CFAP20DC: variants seen among roughly 807,000 people sequenced by gnomAD.
CFAP20DC encodes protein CFAP20DC.
A neutral mutation model predicts 101.7 loss-of-function variants in CFAP20DC; 84 were observed. The ratio of observed to expected loss-of-function variants is 0.83; its 90% CI spans 0.69 to 0.99. The LOEUF is 0.99. Among genes scored for constraint, CFAP20DC ranks in the 50% least tolerant of loss-of-function variants. CFAP20DC has a pLI of 0.00. For missense variants in CFAP20DC, 1,007 were observed against 970.3 expected, an observed-to-expected ratio of 1.04 and a Z score of -0.50; for synonymous variants, 359 against 351.2, an observed-to-expected ratio of 1.02 and a Z score of -0.25.
chr3:58,963,376 GT>G (rs1482061279), intron 4 of CFAP20DC, among the ~76,000 whole-genome samples: 1 of 151,902 alleles, frequency 6.6e-6, no homozygotes, highest in Non-Finnish European at 1.5e-5. Flanking sequence ...CTACCATTTT[GT>G]AATTCCTGCC....
intron 7 of CFAP20DC, 59 bp downstream of exon 7, chr3:58,884,486 C>G: frequency 6.6e-7 from 1 of 1,521,898 alleles, no homozygotes; most frequent in Non-Finnish European, 9.1e-7. Context: ...GAGGAAGTCA[C>G]ACTTTATGGG....
chr3:58,994,930 C>A (rs1448743246), intron 4 of CFAP20DC, among the ~76,000 whole-genome samples: 1 of 151,914 alleles, frequency 6.6e-6, no homozygotes, highest in Non-Finnish European at 1.5e-5. Context: ...CCTTATGCAG[C>A]AGGGGGAGCT....
chr3:58,867,684 A>G (rs2079810146), intron 10 of CFAP20DC, 133 bp downstream of exon 10: 9 of 1,107,670 alleles, frequency 8.1e-6, no homozygotes, highest in Non-Finnish European at 1.0e-5. Context: ...TGATTTCCAT[A>G]ATCCTTGTAG....
At chr3:58,802,233 C>T (rs1177798995) in intron 15 of CFAP20DC, among the ~76,000 whole-genome samples, 1 of 152,156 alleles carries the variant, frequency 6.6e-6, no homozygotes, top group Non-Finnish European at 1.5e-5. Context: ...AGCTCTAAAC[C>T]CCACAAACCA....
intron 15 of CFAP20DC, among the ~76,000 whole-genome samples, chr3:58,762,876 T>G (rs907434675): frequency 6.6e-6 from 1 of 152,262 alleles, no homozygotes; most frequent in African/African-American, 2.4e-5. Context: ...CCCACTCTCT[T>G]CTGGCTTGTA....
At chr3:58,936,499 C>T (rs900036342) in intron 5 of CFAP20DC, among the ~76,000 whole-genome samples, 5 of 152,034 alleles carry the variant, frequency 3.3e-5, no homozygotes, top group African/African-American at 1.2e-4. Flanking sequence ...GCACTATTCA[C>T]AATAGCAAAG....
chr3:58,944,942 A>G (rs143196074), intron 4 of CFAP20DC, among the ~76,000 whole-genome samples: 455 of 152,360 alleles, frequency 3.0e-3, no homozygotes, highest in Middle Eastern at 0.01. Flanking sequence ...CTTAGCATAT[A>G]ATCCAAATGA....
intron 5 of CFAP20DC, among the ~76,000 whole-genome samples, chr3:58,936,552 A>T (rs1009659258): frequency 6.6e-6 from 1 of 152,202 alleles, no homozygotes; most frequent in South Asian, 2.1e-4. Context: ...AGACTGGATT[A>T]AAAAAATGTG....
chr3:58,730,086 C>T (rs2067617151), intron 3 of CFAP20DC, among the ~76,000 whole-genome samples: 1 of 150,622 alleles, frequency 6.6e-6, no homozygotes, highest in African/African-American at 2.4e-5. Context: ...ACACAATATG[C>T]TGTCATTTTG....
intron 4 of CFAP20DC, among the ~76,000 whole-genome samples, chr3:58,973,647 T>A (rs972846661): frequency 3.9e-5 from 6 of 152,142 alleles, no homozygotes; most frequent in African/African-American, 1.4e-4. Context: ...TTCTCTATAG[T>A]CAGAGACTCA....
At chr3:58,993,595 C>T (rs2093011882) in intron 4 of CFAP20DC, among the ~76,000 whole-genome samples, 1 of 152,136 alleles carries the variant, frequency 6.6e-6, no homozygotes, top group Non-Finnish European at 1.5e-5. Flanking sequence ...CATTCCCCAT[C>T]CTCCAACAGG....
At chr3:58,744,944 G>A (rs111373775) in intron 16 of CFAP20DC, among the ~76,000 whole-genome samples, 123 of 152,302 alleles carry the variant, frequency 8.1e-4, no homozygotes, top group Admixed American at 5.7e-3. Flanking sequence ...CTTTTGATGA[G>A]CTTCTGTGAC....
At chr3:58,749,728 A>T (rs2068441485) in intron 16 of CFAP20DC, among the ~76,000 whole-genome samples, 1 of 152,170 alleles carries the variant, frequency 6.6e-6, no homozygotes, top group Admixed American at 6.5e-5. Flanking sequence ...TCCATTTTGG[A>T]GCTGGTAAGC....
chr3:58,842,906 G>A (rs1290355353), intron 13 of CFAP20DC, among the ~76,000 whole-genome samples: 2 of 152,186 alleles, frequency 1.3e-5, no homozygotes, highest in African/African-American at 4.8e-5. Context: ...GGGGCACACT[G>A]ACACCTCACA....
intron 6 of CFAP20DC, among the ~76,000 whole-genome samples, chr3:58,910,722 G>A (rs960545802): frequency 1.3e-5 from 2 of 151,946 alleles, no homozygotes; most frequent in African/African-American, 2.4e-5. Flanking sequence ...GGTGAACTCC[G>A]TGGACTAATA....
chr3:59,037,535 C>T (rs2094126184), intron 4 of CFAP20DC, among the ~76,000 whole-genome samples: 1 of 152,080 alleles, frequency 6.6e-6, no homozygotes, highest in East Asian at 1.9e-4. Flanking sequence ...AAAAAAAGCT[C>T]ATCATCACTG....
Position 58,894,143 on chromosome 3 carries a change from C to T in CFAP20DC, c.551-9434G>A, listed in dbSNP as rs1405998644. ...TCAAGATGAGACTTGGGTGAGGACA[C>T]AGCCAAACCATATCATTCTCCCCTT... On this transcript the variant is annotated intron_variant, in intron 6 of 16. Coordinates refer to ENST00000482387, the MANE Select transcript of CFAP20DC (RefSeq NM_001394063.1). This position sits in a 1 kb window ranked among gnomAD's most constrained non-coding sequence, Gnocchi z 4.1. 1.3e-5 allele frequency among the ~76,000 whole-genome samples: 2 copies of T among 152,132 alleles called. No individual in the cohort carries two copies. Among genetic ancestry groups the T allele is most frequent in the African/African-American group, 4.8e-5 (2 of 41,432 alleles).
Position 58,869,327 on chromosome 3 carries a change from C to G in CFAP20DC, c.1015+1G>C. ...AATCTTTATGCATGATTATTTCTTACCATGAATAGGTACAGTCTGCTTTAT... is the reference window on the plus strand; with the variant it reads ...AATCTTTATGCATGATTATTTCTTAGCATGAATAGGTACAGTCTGCTTTAT... On this transcript the variant is annotated splice_donor_variant, in intron 9 of 16. Coordinates refer to ENST00000482387, the MANE Select transcript of CFAP20DC (RefSeq NM_001394063.1). LOFTEE classifies it high-confidence loss of function. The surrounding 1 kb of genome is among the most constrained non-coding windows in gnomAD (Gnocchi z 4.3). The G allele has an allele frequency of 6.2e-7, 1 of 1,605,620 alleles. No individual in the cohort carries two copies. The highest frequency in any genetic ancestry group is 2.2e-5 in the East Asian group (1 of 44,648).
At chr3:58,778,939 C>T (rs576885282) in intron 15 of CFAP20DC, among the ~76,000 whole-genome samples, 27 of 152,350 alleles carry the variant, frequency 1.8e-4, no homozygotes, top group Non-Finnish European at 3.5e-4. Flanking sequence ...ACCCAACCAA[C>T]ACCATAGATA....
Sources: allele counts gnomAD v4.1 joint callset (sites outside exome capture counted in the v4.1 genomes callset), GRCh38; gene constraint gnomAD v4.1.1; non-coding constraint Gnocchi (gnomAD v3.1); transcripts MANE v1.5; gene names NCBI Gene and HGNC (gene_info 2026-07-23, HGNC 2026-07-21).